SLC10A7: variants seen among roughly 807,000 people sequenced by gnomAD.
SLC10A7 encodes solute carrier family 10 member 7, also known as sodium/bile acid cotransporter 7.
A neutral mutation model predicts 43.2 loss-of-function variants in SLC10A7; 29 were observed. The observed-to-expected ratio is 0.67, with a 90% CI of 0.50 to 0.92. The LOEUF is 0.92. SLC10A7 is among the 40% of genes least tolerant of loss of function. The pLI is 0.00. For synonymous variants in SLC10A7, 152 were observed against 144.8 expected, an observed-to-expected ratio of 1.05 and a Z score of -0.35; for missense variants, 295 against 403.2, an observed-to-expected ratio of 0.73 and a Z score of 2.30.
intron 9 of SLC10A7, among the ~76,000 whole-genome samples, chr4:146,285,924 A>G (rs1266294252): frequency 1.3e-5 from 2 of 151,046 alleles, no homozygotes; most frequent in African/African-American, 4.9e-5. Flanking sequence ...CTGAGTTTGG[A>G]GTGGTGAGAA....
At chr4:146,514,926 C>T in intron 2 of SLC10A7, 1 of 547,288 alleles carries the variant, frequency 1.8e-6, no homozygotes, top group South Asian at 2.6e-5. Context: ...TTGAAAAGGG[C>T]TTTTGATGGA....
At chr4:146,486,130 A>G (rs1197176060) in intron 4 of SLC10A7, among the ~76,000 whole-genome samples, 1 of 152,228 alleles carries the variant, frequency 6.6e-6, no homozygotes, top group East Asian at 1.9e-4. Context: ...AAGGTGAAAC[A>G]TATCACAACT....
intron 9 of SLC10A7, among the ~76,000 whole-genome samples, chr4:146,291,542 C>T (rs984593511): frequency 6.6e-6 from 1 of 152,294 alleles, no homozygotes; most frequent in African/African-American, 2.4e-5. Context: ...ATTGCTATTG[C>T]CTGGTGTTCA....
At chr4:146,422,781 T>C (rs1022958105) in intron 5 of SLC10A7, among the ~76,000 whole-genome samples, 1 of 152,172 alleles carries the variant, frequency 6.6e-6, no homozygotes, top group African/African-American at 2.4e-5. Context: ...TAAGGTCCTC[T>C]TAGTCTGAAA....
At chr4:146,313,160 C>T (rs572368858) in intron 6 of SLC10A7, among the ~76,000 whole-genome samples, 3 of 152,160 alleles carry the variant, frequency 2.0e-5, no homozygotes, top group African/African-American at 7.2e-5. Flanking sequence ...CTGGATTGAC[C>T]CTACCCGCTT....
chr4:146,498,748 T>C (rs1736141144), intron 4 of SLC10A7, among the ~76,000 whole-genome samples: 2 of 152,236 alleles, frequency 1.3e-5, no homozygotes, highest in Non-Finnish European at 2.9e-5. Context: ...TACATTGAGT[T>C]CCTTCTGCTG....
At chr4:146,504,323 T>C (rs1161263328) in intron 3 of SLC10A7, among the ~76,000 whole-genome samples, 3 of 151,870 alleles carry the variant, frequency 2.0e-5, no homozygotes, top group African/African-American at 7.3e-5. Context: ...ATCGAGACCA[T>C]CCTGGCTAAC....
At chr4:146,266,860 TG>T (rs1188819765) in intron 10 of SLC10A7, among the ~76,000 whole-genome samples, 1 of 152,178 alleles carries the variant, frequency 6.6e-6, no homozygotes, top group African/African-American at 2.4e-5. Context: ...TTTACATGAA[TG>T]AAATGCACCT....
At chr4:146,519,671 G>A (rs1160534802) in intron 1 of SLC10A7, among the ~76,000 whole-genome samples, 2 of 152,146 alleles carry the variant, frequency 1.3e-5, no homozygotes, top group Admixed American at 6.5e-5. Context: ...AGATTTTAAA[G>A]TCAAGGAATC....
intron 4 of SLC10A7, among the ~76,000 whole-genome samples, chr4:146,470,962 C>T (rs1268182417): frequency 1.3e-5 from 2 of 152,342 alleles, no homozygotes; most frequent in Admixed American, 6.5e-5. Context: ...AAGTAAAAAA[C>T]ATGAGATGTA....
At chr4:146,514,859 C>G in intron 2 of SLC10A7, 1 of 403,158 alleles carries the variant, frequency 2.5e-6, no homozygotes, top group Non-Finnish European at 4.4e-6. Flanking sequence ...CACAATGATA[C>G]AATCTAGGAC....
chr4:146,458,374 G>C (rs1732263863), intron 4 of SLC10A7, among the ~76,000 whole-genome samples: 1 of 151,584 alleles, frequency 6.6e-6, no homozygotes. Context: ...AACTGTAAAA[G>C]ACTGAGTGTT....
chr4:146,348,422 AG>A (rs1734779176), intron 5 of SLC10A7, among the ~76,000 whole-genome samples: 1 of 152,148 alleles, frequency 6.6e-6, no homozygotes. Flanking sequence ...CCCTTTCTCT[AG>A]TGGATAGCTG....
At chr4:146,282,816 G>A (rs896555054) in intron 10 of SLC10A7, among the ~76,000 whole-genome samples, 2 of 152,092 alleles carry the variant, frequency 1.3e-5, no homozygotes, top group Non-Finnish European at 2.9e-5. Flanking sequence ...TGGAAAATAA[G>A]TTAATCTTTT....
In SLC10A7 at chr4:146,374,104, C is replaced by T. The variant is rs578120914; in HGVS notation, c.436-48108G>A. On this transcript the variant is annotated intron_variant, in intron 5 of 11. Transcript: ENST00000335472. Reference sequence around the variant, plus strand: ...GATTGGAAGAGACCTGGGTTTGGATCTGCTTCTCCATTTTCTATTTTGAGG... The same window carrying T: ...GATTGGAAGAGACCTGGGTTTGGATTTGCTTCTCCATTTTCTATTTTGAGG... Among the ~76,000 whole-genome samples, 59 of 152,306 alleles carry T rather than the reference C, an allele frequency of 3.9e-4. 1 individual carries two copies. Among genetic ancestry groups the T allele is most frequent in the Non-Finnish European group, 7.1e-4 (48 of 68,026 alleles).
At chr4:146,296,137 G>GCAACC (rs1294533683) in intron 7 of SLC10A7, among the ~76,000 whole-genome samples, 1 of 152,090 alleles carries the variant, frequency 6.6e-6, no homozygotes, top group African/African-American at 2.4e-5. Flanking sequence ...TGATAAAAAT[G>GCAACC]TGTAGTGTTT....
chr4:146,414,072 G>T (rs2149836770), intron 5 of SLC10A7, among the ~76,000 whole-genome samples: 1 of 152,200 alleles, frequency 6.6e-6, no homozygotes, highest in Non-Finnish European at 1.5e-5. Flanking sequence ...TAGGGTCCTT[G>T]CTTGAAAGGG....
chr4:146,351,571 GACACATAATTGTC>G (rs932013967), intron 5 of SLC10A7, among the ~76,000 whole-genome samples: 4 of 151,416 alleles, frequency 2.6e-5, no homozygotes. Flanking sequence ...GCAACTCCAA[GACACATAATTGTC>G]AGATTCACCA....
At chr4:146,269,559 A>C (rs1480124146) in intron 10 of SLC10A7, among the ~76,000 whole-genome samples, 3 of 152,228 alleles carry the variant, frequency 2.0e-5, no homozygotes, top group African/African-American at 7.2e-5. Flanking sequence ...ATAGAATGAG[A>C]ATTTCATATG....
Sources: gnomAD v4.1 joint callset for allele counts (sites outside exome capture counted in the v4.1 genomes callset) on GRCh38, gnomAD v4.1.1 for gene constraint, MANE v1.5 for transcripts, NCBI Gene and HGNC (gene_info 2026-07-23, HGNC 2026-07-21) for gene names.